GRIN2A: variants seen among roughly 807,000 people sequenced by gnomAD.
GRIN2A encodes glutamate receptor ionotropic, NMDA 2A.
A neutral mutation model predicts 113.4 loss-of-function variants in GRIN2A; 22 were observed. The observed-to-expected ratio is 0.19, with a 90% confidence interval of 0.14 to 0.28. The LOEUF (loss-of-function observed/expected upper bound fraction) is 0.28. Ranked by LOEUF, GRIN2A falls within the 10% of genes least tolerant of loss-of-function variation. The pLI, the probability that GRIN2A is intolerant of heterozygous loss-of-function variation, is 1.00. For missense variants in GRIN2A, 1,502 were observed against 1,887.0 expected, an observed-to-expected ratio of 0.80 and a Z score of 3.78; for synonymous variants, 827 against 738.4, an observed-to-expected ratio of 1.12 and a Z score of -1.94.
intron 9 of GRIN2A, among the ~76,000 whole-genome samples, chr16:9,823,109 GC>G (rs778886309): frequency 6.6e-6 from 1 of 152,138 alleles, no homozygotes; most frequent in Admixed American, 6.5e-5. Flanking sequence ...CGGCACTCAA[GC>G]CCCCCATAAA....
At chr16:10,092,495 G>C (rs1001867692) in intron 2 of GRIN2A, among the ~76,000 whole-genome samples, 1 of 152,124 alleles carries the variant, frequency 6.6e-6, no homozygotes, top group African/African-American at 2.4e-5. Context: ...CTCTTCTCAA[G>C]AATAGAAGGA....
chr16:10,112,447 T>G, intron 2 of GRIN2A: 1 of 775,824 alleles, frequency 1.3e-6, no homozygotes, highest in Admixed American at 1.7e-5. Context: ...GCTCAGCACT[T>G]TGGTGTGTCC....
intron 2 of GRIN2A, among the ~76,000 whole-genome samples, chr16:10,100,665 C>A (rs1195962410): frequency 6.6e-6 from 1 of 152,214 alleles, no homozygotes; most frequent in African/African-American, 2.4e-5. Flanking sequence ...TGTCTGTCCA[C>A]ACTGTTCACT....
intron 4 of GRIN2A, among the ~76,000 whole-genome samples, chr16:9,865,695 A>G (rs140823172): frequency 4.6e-5 from 7 of 152,312 alleles, no homozygotes; most frequent in African/African-American, 1.7e-4. Flanking sequence ...TCATTCATGG[A>G]GTGCCTACTA....
chr16:10,073,848 G>A (rs1400825697), intron 2 of GRIN2A, among the ~76,000 whole-genome samples: 1 of 151,376 alleles, frequency 6.6e-6, no homozygotes, highest in Non-Finnish European at 1.5e-5. Context: ...CCTGGGAGGC[G>A]GAGGTTGCAG....
At chr16:9,925,344 C>T (rs1422255636) in intron 3 of GRIN2A, among the ~76,000 whole-genome samples, 1 of 152,140 alleles carries the variant, frequency 6.6e-6, no homozygotes, top group Non-Finnish European at 1.5e-5. Context: ...CACGTGAGTC[C>T]TGGGCTCTGT....
At chr16:9,834,570 C>T (rs1458022326) in intron 7 of GRIN2A, among the ~76,000 whole-genome samples, 10 of 152,010 alleles carry the variant, frequency 6.6e-5, no homozygotes, top group African/African-American at 1.4e-4. Context: ...TTAGTTGAGA[C>T]GGGGTTTCGC....
intron 10 of GRIN2A, among the ~76,000 whole-genome samples, chr16:9,820,227 C>T (rs2042256506): frequency 6.6e-6 from 1 of 152,146 alleles, no homozygotes; most frequent in Non-Finnish European, 1.5e-5. Flanking sequence ...GAGAGAAAGC[C>T]AGCTAGGCAT....
intron 4 of GRIN2A, among the ~76,000 whole-genome samples, chr16:9,858,520 A>T (rs2043006430): frequency 6.6e-6 from 1 of 152,194 alleles, no homozygotes; most frequent in Non-Finnish European, 1.5e-5. Flanking sequence ...TCAGAAATAT[A>T]CTGAAGTTGT....
chr16:10,116,660 A>G (rs973047323), intron 2 of GRIN2A, among the ~76,000 whole-genome samples: 2 of 152,140 alleles, frequency 1.3e-5, no homozygotes, highest in African/African-American at 4.8e-5. Context: ...AAGGAAAAGA[A>G]GCCAGCAGCA....
At chr16:10,164,225 C>T (rs1016095210) in intron 2 of GRIN2A, among the ~76,000 whole-genome samples, 25 of 152,244 alleles carry the variant, frequency 1.6e-4, no homozygotes, top group African/African-American at 6.0e-4. Context: ...ATGTGAGTCT[C>T]ACTGGCAAGT....
chr16:9,904,074 T>C (rs1366635307), intron 3 of GRIN2A, among the ~76,000 whole-genome samples: 1 of 152,220 alleles, frequency 6.6e-6, no homozygotes, highest in Non-Finnish European at 1.5e-5. Flanking sequence ...TGTTGGTGTT[T>C]ATACCCTTAA....
chr16:10,046,896 T>C (rs75838692), intron 2 of GRIN2A, among the ~76,000 whole-genome samples: 13,760 of 152,246 alleles, frequency 0.09, 709 homozygotes, highest in Non-Finnish European at 0.11. Context: ...TAACTATATG[T>C]TAAGTGCTGT....
chr16:10,095,489 T>C lies in GRIN2A; in HGVS notation c.414+84509A>G, dbSNP rs377157801. 3.0e-3 allele frequency among the ~76,000 whole-genome samples: 462 copies of C among 152,312 alleles called. 2 individuals are homozygous for C. The highest frequency in any genetic ancestry group is 5.0e-3 in the Non-Finnish European group (341 of 68,036). On this transcript the variant is annotated intron_variant, in intron 2 of 12. Coordinates refer to ENST00000330684, the MANE Select transcript of GRIN2A (RefSeq NM_001134407.3). The stretch of plus-strand genomic sequence containing the variant: ...AAGTAAAAATAAATGTTCTTCCTTA[T>C]AGCAGAACACTAGTAAAGAGAAGGA...
chr16:9,938,915 G>A (rs755143589), intron 2 of GRIN2A, among the ~76,000 whole-genome samples: 2 of 152,030 alleles, frequency 1.3e-5, no homozygotes, highest in Non-Finnish European at 2.9e-5. Context: ...ATCAAGCCAC[G>A]GAAATAAAAC....
chr16:9,802,438 C>A (rs1354042371), intron 10 of GRIN2A, among the ~76,000 whole-genome samples: 1 of 152,076 alleles, frequency 6.6e-6, no homozygotes, highest in Non-Finnish European at 1.5e-5. Flanking sequence ...GATGCAGGAA[C>A]AAACTATGAA....
chr16:9,971,980 G>A (rs947659288), intron 2 of GRIN2A, among the ~76,000 whole-genome samples: 2 of 150,026 alleles, frequency 1.3e-5, no homozygotes, highest in Non-Finnish European at 3.0e-5. Context: ...TCAACATCTA[G>A]TGGAAGAGCC....
At chr16:9,913,946 A>C (rs999574162) in intron 3 of GRIN2A, among the ~76,000 whole-genome samples, 3 of 151,984 alleles carry the variant, frequency 2.0e-5, no homozygotes, top group Non-Finnish European at 2.9e-5. Flanking sequence ...GGTTCTTTTT[A>C]CTTGTTGCTG....
rs560380879 is a variant in GRIN2A at position 10,062,897 on chromosome 16, T to C, written c.414+117101A>G. 6.6e-5 allele frequency among the ~76,000 whole-genome samples: 10 copies of C among 151,112 alleles called. No homozygotes were observed. The South Asian group carries it at 2.1e-3, about 32-fold the overall frequency. The stretch of plus-strand genomic sequence containing the variant: ...AAAAAAGAAGAAGAAAAGAAAAACA[T>C]TGGGTTAGCAAAAAGACACATGCAC... On this transcript the variant is annotated intron_variant, in intron 2 of 12. Coordinates refer to ENST00000330684, the MANE Select transcript of GRIN2A (RefSeq NM_001134407.3).
Sources: allele counts gnomAD v4.1 joint callset (sites outside exome capture counted in the v4.1 genomes callset), GRCh38; gene constraint gnomAD v4.1.1; transcripts MANE v1.5; gene names NCBI Gene and HGNC (gene_info 2026-07-23, HGNC 2026-07-21).